LPP: variants seen among roughly 807,000 people sequenced by gnomAD.
LPP encodes LIM domain containing preferred translocation partner in lipoma.
A neutral mutation model predicts 60.4 loss-of-function variants in LPP; 38 were observed. The ratio of observed to expected loss-of-function variants is 0.63; its 90% CI spans 0.49 to 0.83. LPP has a LOEUF of 0.83. Among genes scored for constraint, LPP ranks in the 40% least tolerant of loss-of-function variants. The pLI is 0.00. For missense variants in LPP, 902 were observed against 783.6 expected, an observed-to-expected ratio of 1.15 and a Z score of -1.80; for synonymous variants, 328 against 290.8, an observed-to-expected ratio of 1.13 and a Z score of -1.30.
chr3:188,341,775 G>A (rs982520739), intron 3 of LPP, 56 bp downstream of exon 3: 6 of 633,970 alleles, frequency 9.5e-6, no homozygotes, highest in Middle Eastern at 8.1e-4. Flanking sequence ...ATCTGAGCCA[G>A]TAATGTTGAT....
chr3:188,736,457 G>T (rs915661265), intron 8 of LPP, among the ~76,000 whole-genome samples: 2 of 152,014 alleles, frequency 1.3e-5, no homozygotes, highest in African/African-American at 4.8e-5. Context: ...ACATTAGTAT[G>T]AAAAGAAAAT....
chr3:188,406,617 G>C (rs1023592071), intron 4 of LPP, among the ~76,000 whole-genome samples: 18 of 152,254 alleles, frequency 1.2e-4, no homozygotes, highest in African/African-American at 4.3e-4. Context: ...TCCACCTCCA[G>C]CTCATTCTCT....
At chr3:188,390,352 T>A (rs115782323) in intron 3 of LPP, among the ~76,000 whole-genome samples, 1,529 of 152,264 alleles carry the variant, frequency 0.01, 30 homozygotes, top group African/African-American at 0.035. Flanking sequence ...GCCTGGGCTT[T>A]AAAAAGTACT....
chr3:188,658,122 A>ATTAGTTGAGTTTAGTTTAGTTTAGT (rs1853727895), intron 7 of LPP, among the ~76,000 whole-genome samples: 1 of 4,196 alleles, frequency 2.4e-4, no homozygotes, highest in Non-Finnish European at 1.1e-3. Flanking sequence ...TTCTGAAGTT[A>ATTAGTTGAGTTTAGTTTAGTTTAGT]TTAGTTTAGT....
chr3:188,229,840 T>C (rs966811425), intron 2 of LPP, among the ~76,000 whole-genome samples: 1 of 152,210 alleles, frequency 6.6e-6, no homozygotes, highest in Non-Finnish European at 1.5e-5. Context: ...TCTTCCTCAA[T>C]GAGTTGCTGT....
At chr3:188,763,171 C>T (rs1402175977) in intron 9 of LPP, among the ~76,000 whole-genome samples, 2 of 152,036 alleles carry the variant, frequency 1.3e-5, no homozygotes, top group Non-Finnish European at 2.9e-5. Flanking sequence ...TTTGGTTACA[C>T]TGTTGAAAAC....
chr3:188,691,193 T>C (rs941377208), intron 7 of LPP, among the ~76,000 whole-genome samples: 1 of 152,156 alleles, frequency 6.6e-6, no homozygotes, highest in Non-Finnish European at 1.5e-5. Context: ...ATGAGTGCAA[T>C]ATAATGACAT....
At chr3:188,559,247 C>T (rs1406425446) in intron 6 of LPP, among the ~76,000 whole-genome samples, 2 of 152,026 alleles carry the variant, frequency 1.3e-5, no homozygotes, top group East Asian at 1.9e-4. Context: ...GGCTCACCAT[C>T]GTGACAACAG....
At chr3:188,624,749 C>CCTT in intron 7 of LPP, among the ~76,000 whole-genome samples, 1 of 75,142 alleles carries the variant, frequency 1.3e-5, no homozygotes, top group African/African-American at 4.8e-5. Context: ...CCCTTCCCTT[C>CCTT]CCTTCTCCTT....
intron 7 of LPP, among the ~76,000 whole-genome samples, chr3:188,686,973 G>A (rs1860884874): frequency 1.3e-5 from 2 of 152,188 alleles, no homozygotes; most frequent in African/African-American, 4.8e-5. Flanking sequence ...GAAAAGCTAA[G>A]GCACCTGGTA....
chr3:188,727,286 A>G (rs906179348), intron 8 of LPP, among the ~76,000 whole-genome samples: 1 of 152,178 alleles, frequency 6.6e-6, no homozygotes, highest in Non-Finnish European at 1.5e-5. Context: ...TTACTTACAG[A>G]TGTGGGCTGA....
intron 4 of LPP, among the ~76,000 whole-genome samples, chr3:188,443,324 T>A (rs1404448473): frequency 6.6e-6 from 1 of 152,234 alleles, no homozygotes. Context: ...CTGCATAGCT[T>A]CAGTCTGATG....
At chr3:188,819,026 T>G (rs371498149) in intron 9 of LPP, among the ~76,000 whole-genome samples, 23 of 101,782 alleles carry the variant, frequency 2.3e-4, no homozygotes, top group African/African-American at 9.4e-4. Context: ...CTCATGGGGG[T>G]CGTGTGTGTG....
At position 188,886,472 on chromosome 3, in the gene LPP, T is replaced by C. The variant is rs1290554853; in HGVS notation, c.*11993T>C. 5.3e-6 allele frequency: 1 copy of C among 187,460 alleles called. No homozygotes were observed. Among genetic ancestry groups the C allele is most frequent in the Non-Finnish European group, 1.1e-5 (1 of 92,664 alleles). 11.6% of individuals were successfully genotyped at this position (187,460 alleles called of 1,614,324 possible). A position where few individuals can be genotyped will look rare whatever the true frequency, so the allele number is the denominator to read the frequency against. ...AATTTGAGCACTTCTCAGAATTATC[T>C]AGTATGCCTGAGTAGAGACTCACAT... is the stretch of plus-strand genomic sequence containing the variant. On this transcript the variant is annotated 3_prime_UTR_variant, in exon 12 of 12. Coordinates refer to ENST00000617246, the MANE Select transcript of LPP (RefSeq NM_001375462.1).
intron 1 of LPP, among the ~76,000 whole-genome samples, chr3:188,206,659 G>C (rs1408626901): frequency 6.6e-6 from 1 of 152,168 alleles, no homozygotes; most frequent in Non-Finnish European, 1.5e-5. Context: ...TCATCTCTTA[G>C]AAATGAGACG....
intron 1 of LPP, among the ~76,000 whole-genome samples, chr3:188,210,506 C>T (rs1027682350): frequency 6.6e-5 from 10 of 152,148 alleles, no homozygotes; most frequent in Non-Finnish European, 1.3e-4. Flanking sequence ...TCAGGAATAC[C>T]AATGGGGCAG....
intron 2 of LPP, among the ~76,000 whole-genome samples, chr3:188,298,915 A>G (rs1389857786): frequency 6.6e-6 from 1 of 152,192 alleles, no homozygotes; most frequent in East Asian, 1.9e-4. Context: ...GCCAGTCATG[A>G]GGCTCCATCT....
intron 3 of LPP, among the ~76,000 whole-genome samples, chr3:188,387,725 C>T (rs1266717759): frequency 2.0e-5 from 3 of 152,020 alleles, no homozygotes; most frequent in South Asian, 2.1e-4. Context: ...CGCCACCACA[C>T]CCGGCTAATT....
chr3:188,404,206 G>A (rs907518571), intron 3 of LPP, among the ~76,000 whole-genome samples: 1 of 152,056 alleles, frequency 6.6e-6, no homozygotes, highest in African/African-American at 2.4e-5. Context: ...CTCATTGGTT[G>A]CCATAAAAAT....
Sources: allele counts gnomAD v4.1 joint callset (sites outside exome capture counted in the v4.1 genomes callset), GRCh38; gene constraint gnomAD v4.1.1; transcripts MANE v1.5; gene names NCBI Gene and HGNC (gene_info 2026-07-23, HGNC 2026-07-21).